Variants in CCAR2 observed in about 807,000 individuals in gnomAD.
CCAR2 encodes the protein cell cycle and apoptosis regulator 2.
Under a neutral mutation model 108.1 loss-of-function variants are expected in CCAR2, and 21 were observed. The observed-to-expected ratio is 0.19, with a 90% CI of 0.14 to 0.28. The LOEUF is 0.28. Ranked by LOEUF, CCAR2 falls within the 10% of genes least tolerant of loss-of-function variation. The pLI is 1.00. For missense variants in CCAR2, 1,126 were observed against 1,177.0 expected (o/e 0.96, Z 0.63); for synonymous variants, 577 against 472.8 (o/e 1.22, Z -2.86).
chr8:22,618,882 C>T lies in CCAR2; in HGVS notation c.2388C>T (p.Pro796=), dbSNP rs377328158. 12 of 1,614,032 alleles carry T rather than the reference C, an allele frequency of 7.4e-6. No individual in the cohort carries two copies. The African/African-American group carries it at 1.5e-4, about 20-fold the overall frequency. ...AAAGCACGAAGCCAGGTGCTGCCCC[C>T]ACAGAACACAAAGCCTTGGTGTCCC... The part of the protein sequence containing the change: ...PGKSTKPGAA[P]TEHKALVSHN... The change falls in exon 19 of 21, where the codon CCC becomes CCT. Residue 796 remains proline (P), a synonymous_variant. Coordinates refer to ENST00000308511, the MANE Select transcript of CCAR2 (RefSeq NM_001393997.1).
intron 10 of CCAR2, 105 bp from the exon 11 acceptor site, chr8:22,614,733 C>G: frequency 6.7e-7 from 1 of 1,499,996 alleles, no homozygotes; most frequent in Non-Finnish European, 9.2e-7. Context: ...TGGTGGACTT[C>G]CCCACTTCCG....
intron 13 of CCAR2, 37 bp downstream of exon 13, chr8:22,615,949 G>C (rs200614698): frequency 6.2e-7 from 1 of 1,613,114 alleles, no homozygotes; most frequent in South Asian, 1.1e-5. Flanking sequence ...TGTGGGCTGG[G>C]ATTTGTGGGC....
chr8:22,620,875 A>G (rs1585172060), downstream of CCAR2: 1 of 152,450 alleles, frequency 6.6e-6, no homozygotes, highest in Admixed American at 6.5e-5. Context: ...GGGAACCCCA[A>G]CCACTTAGGT....
chr8:22,617,609 C>T, intron 15 of CCAR2, 45 bp downstream of exon 15: 1 of 1,610,392 alleles, frequency 6.2e-7, no homozygotes, highest in East Asian at 2.2e-5. Context: ...TGGGATGTGG[C>T]TTTCCACCTG....
rs1801421799 is a variant in CCAR2 at position 22,614,566 on chromosome 8, G to C, written c.1041+63G>C. 4.1e-6 allele frequency: 6 copies of C among 1,447,814 alleles called. No homozygotes were observed. In the East Asian group the frequency reaches 1.1e-4, roughly 27 times the overall value. The allele number at this position is 1,447,814 out of a possible 1,614,324, so 89.7% of individuals were successfully genotyped here. Reference sequence around the variant, plus strand: ...TAATGTGCACAACCTGTCATGTTTTGAGTGTTCGGCTCCTGTTCCTGAATG... The same window carrying C: ...TAATGTGCACAACCTGTCATGTTTTCAGTGTTCGGCTCCTGTTCCTGAATG... On this transcript the variant is annotated intron_variant, in intron 10 of 20. Transcript: ENST00000308511.
intron 16 of CCAR2, 134 bp from the exon 17 acceptor site, chr8:22,618,215 C>A: frequency 8.3e-7 from 1 of 1,203,922 alleles, no homozygotes; most frequent in Non-Finnish European, 1.2e-6. Context: ...CTTAGCCTCC[C>A]CAGCAGCTGG....
Position 22,616,216 on chromosome 8 carries a change from G to A in CCAR2, c.1813G>A (p.Glu605Lys), listed in dbSNP as rs200588234. The change falls in exon 14 of 21, where the codon GAG becomes AAG. Residue 605 changes from glutamate to lysine, a missense_variant. By Grantham distance (56) the Glu-to-Lys change is moderately conservative. Coordinates refer to ENST00000308511, the MANE Select transcript of CCAR2 (RefSeq NM_001393997.1). ...GGAGCCCAAGGATGAGGCACAGAATGAGGGCCCGGCTACAGAGTCAGAGGC... is the reference window on the plus strand; with the variant it reads ...GGAGCCCAAGGATGAGGCACAGAATAAGGGCCCGGCTACAGAGTCAGAGGC... The part of the protein sequence containing the change: ...VKEPKDEAQN[E>K]GPATESEAPL... 1 of 1,613,368 alleles carries A rather than the reference G, an allele frequency of 6.2e-7. No individual in the cohort carries two copies.
intron 14 of CCAR2, 100 bp downstream of exon 14, chr8:22,616,348 C>T (rs1801509082): frequency 8.3e-6 from 9 of 1,081,928 alleles, no homozygotes; most frequent in Middle Eastern, 6.1e-4. Flanking sequence ...TAGCTCATTC[C>T]CTGCACCCTT....
At chr8:22,605,916 T>C (rs1407076867) in intron 2 of CCAR2, 85 bp downstream of exon 2, 14 of 1,405,086 alleles carry the variant, frequency 1.0e-5, no homozygotes, top group African/African-American at 1.4e-5. Context: ...GGAGAGCAAT[T>C]TGCTGCTGAT....
intron 7 of CCAR2, 63 bp downstream of exon 7, chr8:22,608,128 A>T: frequency 7.4e-7 from 1 of 1,353,142 alleles, no homozygotes; most frequent in Non-Finnish European, 1.0e-6. Context: ...TTATTTTATT[A>T]TTATTTTTTT....
chr8:22,620,001 C>T lies in CCAR2; in HGVS notation c.*319C>T, dbSNP rs1801705275. On this transcript the variant is annotated 3_prime_UTR_variant, in exon 21 of 21. Transcript: ENST00000308511. Reference sequence around the variant, plus strand: ...GTGCTGACTTTCTCCTGTCCTCTTCCAGTTTAGAATAAGACAGGGGAGAAA... The same window carrying T: ...GTGCTGACTTTCTCCTGTCCTCTTCTAGTTTAGAATAAGACAGGGGAGAAA... 1 of 391,912 alleles carries T rather than the reference C, an allele frequency of 2.6e-6. No individual in the cohort carries two copies. Among genetic ancestry groups the T allele is most frequent in the African/African-American group, 2.0e-5 (1 of 49,348 alleles). 24.3% of individuals were successfully genotyped at this position (391,912 alleles called of 1,614,324 possible). A position where few individuals can be genotyped will look rare whatever the true frequency, so the allele number is the denominator to read the frequency against.
At chr8:22,611,360 CAA>C (rs533441943) in intron 7 of CCAR2, among the ~76,000 whole-genome samples, 34,936 of 98,948 alleles carry the variant, frequency 0.35, 4,382 homozygotes, top group South Asian at 0.39. Flanking sequence ...GACTCTGTCT[CAA>C]AAAAAAAAAA....
In CCAR2 at chr8:22,615,061, G is replaced by C. The variant is rs547943364; in HGVS notation, c.1205+60G>C. ...GCACCAGGTTGGGGAGGTTTTGTTG[G>C]GAAGGCCCGGTCCCTGCCCCTTTCT... On this transcript the variant is annotated intron_variant, in intron 11 of 20. Coordinates refer to ENST00000308511, the MANE Select transcript of CCAR2 (RefSeq NM_001393997.1). The C allele has an allele frequency of 4.1e-6, 6 of 1,477,376 alleles. No homozygotes were observed. The African/African-American group carries it at 7.0e-5, about 17-fold the overall frequency. 91.5% of individuals were successfully genotyped at this position (1,477,376 alleles called of 1,614,324 possible).
Position 22,614,299 on chromosome 8 carries a change from C to T in CCAR2, c.912C>T (p.Pro304=), listed in dbSNP as rs756760428. The change falls in exon 9 of 21, where the codon CCC becomes CCT. Residue 304 remains proline, a synonymous_variant. Transcript: ENST00000308511. The part of the protein sequence containing the change: ...GAEPITADSD[P]AYSSKVLLLS... ...AGCCCATCACTGCAGACAGTGACCCCGCTTATAGTTCGAAGGTAAGCTGAC... is the reference window on the plus strand; with the variant it reads ...AGCCCATCACTGCAGACAGTGACCCTGCTTATAGTTCGAAGGTAAGCTGAC... The T allele has an allele frequency of 5.5e-5, 88 of 1,613,900 alleles. No homozygotes were observed. Among genetic ancestry groups the T allele is most frequent in the East Asian group, 1.3e-4 (6 of 44,896 alleles).
Position 22,619,684 on chromosome 8 carries a change from G to A in CCAR2, c.*2G>A, listed in dbSNP as rs376276057. On this transcript the variant is annotated 3_prime_UTR_variant, in exon 21 of 21. Coordinates refer to ENST00000308511, the MANE Select transcript of CCAR2 (RefSeq NM_001393997.1). ...GAGGAGCCGGCACCTAGCAACTGAC[G>A]GCCTCGCACGGAACTGCCATCCTGT... 28 of 1,567,452 alleles carry A rather than the reference G, an allele frequency of 1.8e-5. No individual in the cohort carries two copies. The African/African-American group carries it at 2.0e-4, about 11-fold the overall frequency.
chr8:22,610,056 C>G (rs1801216673), intron 7 of CCAR2, among the ~76,000 whole-genome samples: 1 of 152,036 alleles, frequency 6.6e-6, no homozygotes, highest in Non-Finnish European at 1.5e-5. Flanking sequence ...ATTGCAAAAT[C>G]TGAAAAAAAT....
rs551122813 is a variant in CCAR2, at chr8:22,619,989, C to T, written c.*307C>T. ...CCTTTTAGTCTTGTGCTGACTTTCTCCTGTCCTCTTCCAGTTTAGAATAAG... is the reference window on the plus strand; with the variant it reads ...CCTTTTAGTCTTGTGCTGACTTTCTTCTGTCCTCTTCCAGTTTAGAATAAG... On this transcript the variant is annotated 3_prime_UTR_variant, in exon 21 of 21. Coordinates refer to ENST00000308511, the MANE Select transcript of CCAR2 (RefSeq NM_001393997.1). 1 of 426,794 alleles carries T rather than the reference C, an allele frequency of 2.3e-6. No individual in the cohort carries two copies. The highest frequency in any genetic ancestry group is 4.3e-6 in the Non-Finnish European group (1 of 232,016). 26.4% of individuals were successfully genotyped at this position (426,794 alleles called of 1,614,324 possible).
chr8:22,613,824 AT>A, intron 8 of CCAR2: 1 of 425,876 alleles, frequency 2.3e-6, no homozygotes, highest in Non-Finnish European at 4.2e-6. Context: ...TTTGTTACTG[AT>A]TTGTGAGTTC....
In CCAR2 at chr8:22,613,003, G is replaced by GGGTCAACCTCTA; in HGVS notation, c.585-12_585-1dup. On this transcript the variant is annotated splice_polypyrimidine_tract_variant and intron_variant, in intron 7 of 20. Coordinates refer to ENST00000308511, the MANE Select transcript of CCAR2 (RefSeq NM_001393997.1). ...AATGTGGTTTCTTACTGTTGGTGAT[G>GGGTCAACCTCTA]GGTCAACCTCTAGTGATGACTATGA... 1.9e-6 allele frequency: 3 copies of GGGTCAACCTCTA among 1,609,816 alleles called. No individual in the cohort carries two copies. The highest frequency in any genetic ancestry group is 1.7e-6 in the Non-Finnish European group (2 of 1,178,416).
Sources: allele counts gnomAD v4.1 joint callset (sites outside exome capture counted in the v4.1 genomes callset), GRCh38; gene constraint gnomAD v4.1.1; transcripts MANE v1.5; gene names NCBI Gene and HGNC (gene_info 2026-07-23, HGNC 2026-07-21).